NWD2: variants seen among roughly 807,000 people sequenced by gnomAD.
NWD2 encodes the protein NACHT and WD repeat domain-containing protein 2.
In NWD2, 37 loss-of-function variants were observed where a neutral mutation model predicts 132.7. That is an observed-to-expected ratio of 0.28 (90% CI 0.21 to 0.37). The LOEUF is 0.37. Ranked by LOEUF, NWD2 falls within the 10% of genes least tolerant of loss-of-function variation. The probability of loss-of-function intolerance (pLI) is 1.00; values close to 1 mark genes in which losing one functional copy is unlikely to be tolerated. For missense variants in NWD2, 1,592 were observed against 2,122.4 expected, an observed-to-expected ratio of 0.75 and a Z score of 4.91; for synonymous variants, 705 against 803.0, an observed-to-expected ratio of 0.88 and a Z score of 2.06.
chr4:37,271,511 A>G (rs967119900), intron 1 of NWD2, among the ~76,000 whole-genome samples: 2 of 151,844 alleles, frequency 1.3e-5, no homozygotes, highest in African/African-American at 4.8e-5. Context: ...TAGTATATAA[A>G]AATAGAGTTG....
intron 1 of NWD2, among the ~76,000 whole-genome samples, chr4:37,305,104 A>G (rs1448823069): frequency 6.6e-6 from 1 of 152,210 alleles, no homozygotes; most frequent in African/African-American, 2.4e-5. Context: ...GAAGTTGCCA[A>G]TGCTTGGGGT....
At chr4:37,268,743 T>A (rs1321740681) in intron 1 of NWD2, among the ~76,000 whole-genome samples, 1 of 151,780 alleles carries the variant, frequency 6.6e-6, no homozygotes, top group Non-Finnish European at 1.5e-5. Flanking sequence ...AATCAGTGTT[T>A]TAAGAAAATT....
intron 3 of NWD2, among the ~76,000 whole-genome samples, chr4:37,422,889 A>G (rs1711865228): frequency 6.6e-6 from 1 of 152,196 alleles, no homozygotes; most frequent in Non-Finnish European, 1.5e-5. Context: ...ATTTGTACCC[A>G]TGAATGTATC....
chr4:37,394,799 G>GTTTTTTTTTTTTTTT lies in NWD2; in HGVS notation c.358-35758_358-35744dup, dbSNP rs1175840735. ...TTTTCCTCTATAGTGAACCTTTATG[G>GTTTTTTTTTTTTTTT]TTTTTTTTTTTTTTTTTTTTTTTTT... is the stretch of plus-strand genomic sequence containing the variant. On this transcript the variant is annotated intron_variant, in intron 3 of 6. Transcript: ENST00000309447. Among the ~76,000 whole-genome samples, 41 of 52,594 alleles carry GTTTTTTTTTTTTTTT rather than the reference G, an allele frequency of 7.8e-4. 10 individuals are homozygous for GTTTTTTTTTTTTTTT. The highest frequency in any genetic ancestry group is 1.3e-3 in the African/African-American group (17 of 12,956). 34.5% of individuals were successfully genotyped at this position (52,594 alleles called of 152,430 possible).
At chr4:37,403,266 T>C (rs1720932468) in intron 3 of NWD2, among the ~76,000 whole-genome samples, 1 of 152,142 alleles carries the variant, frequency 6.6e-6, no homozygotes, top group South Asian at 2.1e-4. Context: ...AGAAACATGA[T>C]AAACAAGAAA....
At chr4:37,357,981 A>G (rs538524240) in intron 3 of NWD2, among the ~76,000 whole-genome samples, 2 of 152,248 alleles carry the variant, frequency 1.3e-5, no homozygotes, top group African/African-American at 4.8e-5. Flanking sequence ...TGTGCCTAGA[A>G]CAAGTATGAA....
At chr4:37,374,113 G>A (rs1182638364) in intron 3 of NWD2, among the ~76,000 whole-genome samples, 2 of 152,184 alleles carry the variant, frequency 1.3e-5, no homozygotes, top group African/African-American at 4.8e-5. Context: ...TGGGTCAGGG[G>A]AGCAGATCCC....
chr4:37,289,140 TCCTAA>T (rs1170418782), intron 1 of NWD2, among the ~76,000 whole-genome samples: 1 of 152,210 alleles, frequency 6.6e-6, no homozygotes, highest in Non-Finnish European at 1.5e-5. Flanking sequence ...ATAATGAATC[TCCTAA>T]CCTCTAATTC....
At chr4:37,420,368 G>T in intron 3 of NWD2, among the ~76,000 whole-genome samples, 2 of 152,254 alleles carry the variant, frequency 1.3e-5, no homozygotes, top group South Asian at 4.1e-4. Context: ...TCTAATCCAT[G>T]CAGGTATCTG....
intron 2 of NWD2, among the ~76,000 whole-genome samples, chr4:37,326,407 C>T (rs1415613003): frequency 6.6e-6 from 1 of 152,136 alleles, no homozygotes; most frequent in African/African-American, 2.4e-5. Flanking sequence ...TATTTCCTTT[C>T]ATCAGCCAGG....
chr4:37,272,014 G>A (rs1463563160), intron 1 of NWD2, among the ~76,000 whole-genome samples: 1 of 151,484 alleles, frequency 6.6e-6, no homozygotes, highest in Non-Finnish European at 1.5e-5. Context: ...ATTATGAATC[G>A]GTTTGAATTG....
chr4:37,311,066 C>T (rs1718831243), intron 1 of NWD2, among the ~76,000 whole-genome samples: 1 of 152,072 alleles, frequency 6.6e-6, no homozygotes, highest in South Asian at 2.1e-4. Flanking sequence ...CAAGTCTTTG[C>T]TATTGTGAAT....
At chr4:37,384,873 A>G (rs927472048) in intron 3 of NWD2, among the ~76,000 whole-genome samples, 1 of 152,202 alleles carries the variant, frequency 6.6e-6, no homozygotes, top group African/African-American at 2.4e-5. Flanking sequence ...ACCCTAAGTC[A>G]GGGTTGGAAT....
Position 37,447,472 on chromosome 4 carries a change from G to T in NWD2, c.*255G>T. The T allele has an allele frequency of 2.1e-6, 1 of 487,732 alleles. No individual in the cohort carries two copies. The highest frequency in any genetic ancestry group is 3.7e-6 in the Non-Finnish European group (1 of 271,316). The allele number at this position is 487,732 out of a possible 1,614,324, so 30.2% of individuals were successfully genotyped here. On this transcript the variant is annotated 3_prime_UTR_variant, in exon 7 of 7. Coordinates refer to ENST00000309447, the MANE Select transcript of NWD2 (RefSeq NM_001144990.2). The stretch of plus-strand genomic sequence containing the variant: ...TTCATCTGAAAGGCAGAGGCTAAAA[G>T]TTTTTAAATTAGCTGTGTGGTGAGG...
chr4:37,347,151 T>C (rs1719653755), intron 2 of NWD2, among the ~76,000 whole-genome samples: 1 of 152,140 alleles, frequency 6.6e-6, no homozygotes, highest in Non-Finnish European at 1.5e-5. Context: ...TGATTTATAA[T>C]TTTATTCCAC....
intron 3 of NWD2, among the ~76,000 whole-genome samples, chr4:37,412,521 A>G (rs1721180582): frequency 6.6e-6 from 1 of 152,246 alleles, no homozygotes; most frequent in South Asian, 2.1e-4. Flanking sequence ...GCTCATGAAT[A>G]GGAAGAATCA....
intron 3 of NWD2, among the ~76,000 whole-genome samples, chr4:37,363,050 A>G (rs991975586): frequency 9.2e-5 from 14 of 152,234 alleles, no homozygotes; most frequent in Admixed American, 8.5e-4. Flanking sequence ...AACGTATGAA[A>G]AAAATGCTTA....
chr4:37,405,431 GAATA>G, intron 3 of NWD2, among the ~76,000 whole-genome samples: 1 of 22,128 alleles, frequency 4.5e-5, no homozygotes, highest in Admixed American at 5.2e-4. Flanking sequence ...TAATAGAATA[GAATA>G]GAATAGAATA....
At chr4:37,245,537 C>T (rs1041857687) in intron 1 of NWD2, among the ~76,000 whole-genome samples, 319 of 147,504 alleles carry the variant, frequency 2.2e-3, no homozygotes, top group African/African-American at 7.2e-3. Flanking sequence ...CCACCACCTC[C>T]TGTCCCCCGC....
Sources: allele counts gnomAD v4.1 joint callset (sites outside exome capture counted in the v4.1 genomes callset), GRCh38; gene constraint gnomAD v4.1.1; transcripts MANE v1.5; gene names NCBI Gene and HGNC (gene_info 2026-07-23, HGNC 2026-07-21).